Variants in ASTN2 observed in about 807,000 individuals in gnomAD.
The protein encoded by ASTN2 is astrotactin-2.
ASTN2 carries 54 observed loss-of-function variants against 139.8 expected under a neutral mutation model. The observed-to-expected ratio is 0.39, with a 90% CI of 0.31 to 0.48. The LOEUF (loss-of-function observed/expected upper bound fraction) is 0.48. ASTN2 is among the 20% of genes least tolerant of loss of function. ASTN2 has a pLI of 0.95. For synonymous variants in ASTN2, 756 were observed against 719.5 expected, an observed-to-expected ratio of 1.05 and a Z score of -0.81; for missense variants, 1,565 against 1,725.1, an observed-to-expected ratio of 0.91 and a Z score of 1.64.
chr9:117,395,680 G>A (rs1208499032), intron 1 of ASTN2, among the ~76,000 whole-genome samples: 1 of 152,180 alleles, frequency 6.6e-6, no homozygotes, highest in African/African-American at 2.4e-5. Context: ...AAAGCTGGAT[G>A]TGGCCAGAGG....
chr9:117,030,971 C>T (rs192281082), intron 6 of ASTN2, among the ~76,000 whole-genome samples: 20 of 152,260 alleles, frequency 1.3e-4, no homozygotes, highest in African/African-American at 3.6e-4. Context: ...GTTATTAAGT[C>T]TGGGTTGGAG....
At chr9:116,994,612 G>A (rs77072303) in intron 7 of ASTN2, among the ~76,000 whole-genome samples, 11,230 of 152,278 alleles carry the variant, frequency 0.074, 448 homozygotes, top group East Asian at 0.15. Context: ...TATGGTGAAT[G>A]TGACTGAGGA....
At chr9:117,365,784 C>G (rs1829828178) in intron 1 of ASTN2, among the ~76,000 whole-genome samples, 1 of 152,200 alleles carries the variant, frequency 6.6e-6, no homozygotes, top group Non-Finnish European at 1.5e-5. Flanking sequence ...CCAGGAGCAT[C>G]TGAGCTTTGC....
chr9:117,317,416 C>G (rs986033330), intron 1 of ASTN2, among the ~76,000 whole-genome samples: 2 of 152,066 alleles, frequency 1.3e-5, no homozygotes, highest in Non-Finnish European at 2.9e-5. Context: ...CAGCAGAGCC[C>G]GACAATGCCT....
At chr9:116,872,781 A>G (rs1833200492) in intron 10 of ASTN2, among the ~76,000 whole-genome samples, 1 of 152,148 alleles carries the variant, frequency 6.6e-6, no homozygotes, top group African/African-American at 2.4e-5. Context: ...AGAAGGAAAG[A>G]ATATGCTAAG....
At chr9:116,686,744 C>T (rs1296917101) in intron 16 of ASTN2, 17 of 1,550,474 alleles carry the variant, frequency 1.1e-5, no homozygotes, top group Admixed American at 2.0e-5. Context: ...CCCAAGTCTG[C>T]CTCTGCTGTC....
chr9:116,580,099 C>T (rs1165457716), intron 19 of ASTN2, among the ~76,000 whole-genome samples: 1 of 152,138 alleles, frequency 6.6e-6, no homozygotes, highest in Non-Finnish European at 1.5e-5. Flanking sequence ...GGATTACAGG[C>T]GTGAGCCCCC....
intron 2 of ASTN2, among the ~76,000 whole-genome samples, chr9:117,223,756 T>C (rs1382628678): frequency 6.6e-6 from 1 of 152,220 alleles, no homozygotes; most frequent in African/African-American, 2.4e-5. Flanking sequence ...TGTAAAAATA[T>C]ACTCACACCT....
intron 6 of ASTN2, among the ~76,000 whole-genome samples, chr9:117,016,811 T>TATATA (rs1212939113): frequency 1.3e-5 from 1 of 78,828 alleles, no homozygotes; most frequent in African/African-American, 4.2e-5. Context: ...TATATATATG[T>TATATA]TTTATATATA....
intron 3 of ASTN2, among the ~76,000 whole-genome samples, chr9:117,143,596 A>C (rs1486567183): frequency 6.6e-6 from 1 of 152,220 alleles, no homozygotes; most frequent in African/African-American, 2.4e-5. Flanking sequence ...CTGAGAACCA[A>C]AGACATAGCT....
chr9:116,723,000 C>T (rs986743306), intron 16 of ASTN2, among the ~76,000 whole-genome samples: 10 of 152,118 alleles, frequency 6.6e-5, no homozygotes, highest in African/African-American at 2.4e-4. Context: ...CCCATCTCTA[C>T]TAAAAATAGA....
chr9:116,548,138 C>T (rs182090340), intron 19 of ASTN2, among the ~76,000 whole-genome samples: 1 of 152,192 alleles, frequency 6.6e-6, no homozygotes, highest in Non-Finnish European at 1.5e-5. Context: ...GAGCGATTCC[C>T]GTAAGGCACT....
chr9:117,159,566 T>TTTATTTTTATTTTTATTTA (rs1830502797), intron 3 of ASTN2, among the ~76,000 whole-genome samples: 1 of 152,034 alleles, frequency 6.6e-6, no homozygotes, highest in Admixed American at 6.6e-5. Flanking sequence ...AAAATATTTA[T>TTTATTTTTATTTTTATTTA]TGAGCATCAA....
intron 3 of ASTN2, among the ~76,000 whole-genome samples, chr9:117,209,509 T>C (rs917654232): frequency 4.6e-5 from 7 of 152,032 alleles, no homozygotes; most frequent in Non-Finnish European, 7.4e-5. Flanking sequence ...AATATAACAA[T>C]TGTAAATATA....
intron 10 of ASTN2, among the ~76,000 whole-genome samples, chr9:116,894,570 A>G (rs1833838457): frequency 6.6e-6 from 1 of 152,164 alleles, no homozygotes; most frequent in African/African-American, 2.4e-5. Context: ...GCTCACTGCA[A>G]CTTTGACCTC....
intron 10 of ASTN2, among the ~76,000 whole-genome samples, chr9:116,930,089 A>C (rs888063678): frequency 6.6e-6 from 1 of 152,208 alleles, no homozygotes; most frequent in Non-Finnish European, 1.5e-5. Flanking sequence ...TTGCTAAAGC[A>C]AATGGGAAAC....
At chr9:116,435,346 A>G (rs1847618574) in intron 22 of ASTN2, among the ~76,000 whole-genome samples, 1 of 152,168 alleles carries the variant, frequency 6.6e-6, no homozygotes, top group Non-Finnish European at 1.5e-5. Context: ...CATACTTGCT[A>G]ATCCTTGAAA....
intron 5 of ASTN2, among the ~76,000 whole-genome samples, chr9:117,091,760 G>A (rs1828712816): frequency 6.6e-6 from 1 of 152,132 alleles, no homozygotes. Flanking sequence ...GATTGCAGGT[G>A]TGTAGGGAGT....
chr9:117,178,278 C>T (rs910916752), intron 3 of ASTN2, among the ~76,000 whole-genome samples: 1 of 152,188 alleles, frequency 6.6e-6, no homozygotes, highest in Non-Finnish European at 1.5e-5. Flanking sequence ...AAGTACTGGT[C>T]TATTTTGAGC....
Sources: gnomAD v4.1 joint callset for allele counts (sites outside exome capture counted in the v4.1 genomes callset) on GRCh38, gnomAD v4.1.1 for gene constraint, MANE v1.5 for transcripts, NCBI Gene and HGNC (gene_info 2026-07-23, HGNC 2026-07-21) for gene names.